The following SOD2 variants were observed in gnomAD, a reference collection of about 807,000 sequenced individuals.
The protein encoded by SOD2 is superoxide dismutase 2, also known as superoxide dismutase [Mn], mitochondrial.
SOD2 carries 11 observed loss-of-function variants against 27.0 expected under a neutral mutation model. That is an observed-to-expected ratio of 0.41 (90% CI 0.26 to 0.67). SOD2 has a LOEUF of 0.67. SOD2 is among the 30% of genes least tolerant of loss of function. SOD2 has a pLI of 0.34. For synonymous variants in SOD2, 105 were observed against 103.0 expected, an observed-to-expected ratio of 1.02 and a Z score of -0.12; for missense variants, 250 against 274.5, an observed-to-expected ratio of 0.91 and a Z score of 0.63.
chr6:159,757,432 G>C (rs568938470), intron 1 of SOD2, among the ~76,000 whole-genome samples: 878 of 68,572 alleles, frequency 0.013, 13 homozygotes, highest in African/African-American at 0.035. Context: ...TTTTTTTTTT[G>C]CCGAGAGTCT....
chr6:159,733,034 A>G (rs1778685036), intron 1 of SOD2, among the ~76,000 whole-genome samples: 3 of 152,130 alleles, frequency 2.0e-5, no homozygotes, highest in Admixed American at 2.0e-4. Context: ...AGAAGTAGTT[A>G]GACATGTGGA....
chr6:159,741,894 A>AG, intron 1 of SOD2: 1 of 472,952 alleles, frequency 2.1e-6, no homozygotes, highest in South Asian at 2.3e-5. Flanking sequence ...GCTTGAGCCC[A>AG]GACCCTGTTT....
intron 1 of SOD2, among the ~76,000 whole-genome samples, chr6:159,722,080 A>G (rs2114839725): frequency 6.6e-6 from 1 of 152,126 alleles, no homozygotes; most frequent in African/African-American, 2.4e-5. Context: ...AAAAAAAAGA[A>G]AAAAAAAGCA....
At chr6:159,704,634 G>A (rs536808250) in intron 1 of SOD2, among the ~76,000 whole-genome samples, 7 of 152,328 alleles carry the variant, frequency 4.6e-5, no homozygotes, top group South Asian at 2.1e-4. Context: ...CAGGAAGCTC[G>A]GACTGGATGG....
rs532093067 is a variant in SOD2, at chr6:159,708,247, T to C, written c.-115-15384A>G. On this transcript the variant is annotated intron_variant, in intron 1 of 2. Coordinates refer to the SOD2 transcript ENST00000401980. ...CCTCTCTCACCACTCCTATTCAACA[T>C]AGTGTTGGAAGTTCTGGCCAGGGCC... Among the ~76,000 whole-genome samples the C allele has an allele frequency of 2.0e-4, 31 of 152,316 alleles. No homozygotes were observed. In the East Asian group the frequency reaches 4.8e-3, roughly 24 times the overall value.
intron 1 of SOD2, among the ~76,000 whole-genome samples, chr6:159,736,032 G>A (rs180929656): frequency 4.6e-4 from 70 of 152,182 alleles, no homozygotes; most frequent in African/African-American, 1.4e-3. Flanking sequence ...AATGATGGAA[G>A]ATGTTAACAA....
chr6:159,675,441 CCACA>C lies in SOD2; in HGVS notation c.*7048_*7051del, dbSNP rs1238962901. 1 of 152,112 alleles carries C rather than the reference CCACA, an allele frequency of 6.6e-6. No individual in the cohort carries two copies. Among genetic ancestry groups the C allele is most frequent in the East Asian group, 1.9e-4 (1 of 5,196 alleles). 9.4% of individuals were successfully genotyped at this position (152,112 alleles called of 1,614,324 possible). A position where few individuals can be genotyped will look rare whatever the true frequency, so the allele number is the denominator to read the frequency against. The stretch of plus-strand genomic sequence containing the variant: ...CAGAACAGAGCCCTCAGAAATAATA[CCACA>C]CATCTACAACTATCTGATCTTTGAG... On this transcript the variant is annotated 3_prime_UTR_variant, in exon 5 of 5. Coordinates refer to ENST00000538183, the MANE Select transcript of SOD2 (RefSeq NM_000636.4).
chr6:159,753,496 G>C, intron 1 of SOD2: 7 of 1,614,210 alleles, frequency 4.3e-6, no homozygotes, highest in Non-Finnish European at 5.9e-6. Flanking sequence ...AGTGTCGAAT[G>C]CTTATCCAGG....
At chr6:159,695,801 C>CT (rs1031154179), upstream of SOD2, among the ~76,000 whole-genome samples, 6 of 151,892 alleles carry the variant, frequency 4.0e-5, no homozygotes, top group African/African-American at 7.3e-5. Context: ...ACCTGGCTGC[C>CT]TTTTTTTTAG....
At chr6:159,726,102 A>G (rs1200324530) in intron 1 of SOD2, 1 of 152,330 alleles carries the variant, frequency 6.6e-6, no homozygotes, top group East Asian at 1.9e-4. Context: ...GGTTAGAAGT[A>G]TAACTGCAAG....
intron 1 of SOD2, chr6:159,736,333 G>A (rs779711644): frequency 1.3e-6 from 2 of 1,496,458 alleles, no homozygotes; most frequent in South Asian, 2.4e-5. Context: ...GTTTTGTTTT[G>A]GGTTTTTTGG....
chr6:159,718,096 A>C (rs1447192045), intron 1 of SOD2, among the ~76,000 whole-genome samples: 1 of 151,838 alleles, frequency 6.6e-6, no homozygotes, highest in Admixed American at 6.6e-5. Context: ...GGGCTCATGA[A>C]ATCTTCTCAC....
At chr6:159,757,342 C>G (rs560199492) in intron 1 of SOD2, among the ~76,000 whole-genome samples, 1 of 152,224 alleles carries the variant, frequency 6.6e-6, no homozygotes, top group African/African-American at 2.4e-5. Flanking sequence ...TTAGCTGATA[C>G]AGGTATATCC....
intron 1 of SOD2, among the ~76,000 whole-genome samples, chr6:159,699,953 C>T (rs1269491214): frequency 6.6e-6 from 1 of 152,250 alleles, no homozygotes; most frequent in East Asian, 1.9e-4. Flanking sequence ...TGTCCCATCT[C>T]AGGCAACTCC....
At chr6:159,757,322 T>A (rs750991023) in intron 1 of SOD2, among the ~76,000 whole-genome samples, 2 of 152,216 alleles carry the variant, frequency 1.3e-5, no homozygotes, top group Non-Finnish European at 2.9e-5. Context: ...TAATTGCTGC[T>A]TTTGCTTGTT....
chr6:159,754,611 T>A (rs1289161341), intron 1 of SOD2, among the ~76,000 whole-genome samples: 1 of 152,228 alleles, frequency 6.6e-6, no homozygotes, highest in Non-Finnish European at 1.5e-5. Context: ...CATATAAACC[T>A]ATGTACATCT....
intron 1 of SOD2, among the ~76,000 whole-genome samples, chr6:159,717,228 CCACCAAGG>C (rs1777937094): frequency 6.6e-6 from 1 of 152,080 alleles, no homozygotes; most frequent in African/African-American, 2.4e-5. Context: ...CTCCTTACTC[CCACCAAGG>C]AGTTCAGAAT....
At chr6:159,744,722 C>G (rs532767314) in intron 1 of SOD2, among the ~76,000 whole-genome samples, 1 of 148,858 alleles carries the variant, frequency 6.7e-6, no homozygotes, top group Middle Eastern at 3.6e-3. Flanking sequence ...TTCCCACTAA[C>G]CCCCCCGCCC....
upstream of SOD2, among the ~76,000 whole-genome samples, chr6:159,745,907 G>A (rs1305706503): frequency 6.6e-6 from 1 of 152,118 alleles, no homozygotes; most frequent in Non-Finnish European, 1.5e-5. Context: ...TTTGGATGCT[G>A]TTGTGGAAGG....
Sources: allele counts gnomAD v4.1 joint callset (sites outside exome capture counted in the v4.1 genomes callset), GRCh38; gene constraint gnomAD v4.1.1; transcripts MANE v1.5; gene names NCBI Gene and HGNC (gene_info 2026-07-23, HGNC 2026-07-21).